The following MAML2 variants were observed in gnomAD, a reference collection of about 807,000 sequenced individuals.
MAML2 encodes the protein mastermind-like protein 2.
A neutral mutation model predicts 96.1 loss-of-function variants in MAML2; 22 were observed. That is an observed-to-expected ratio of 0.23 (90% confidence interval 0.16 to 0.33). The LOEUF (loss-of-function observed/expected upper bound fraction) is 0.33. Ranked by LOEUF, MAML2 falls within the 10% of genes least tolerant of loss-of-function variation. The pLI, the probability that MAML2 is intolerant of heterozygous loss-of-function variation, is 1.00. For synonymous variants in MAML2, 561 were observed against 521.3 expected (o/e 1.08, Z -1.04); for missense variants, 1,367 against 1,392.4 (o/e 0.98, Z 0.29).
chr11:96,226,932 T>C (rs1052230475), intron 1 of MAML2, among the ~76,000 whole-genome samples: 1 of 152,190 alleles, frequency 6.6e-6, no homozygotes, highest in Admixed American at 6.5e-5. Context: ...ATAGAATATC[T>C]TCACATCAAT....
intron 1 of MAML2, among the ~76,000 whole-genome samples, chr11:96,184,742 G>A (rs1432005452): frequency 6.6e-6 from 1 of 151,380 alleles, no homozygotes; most frequent in African/African-American, 2.4e-5. Flanking sequence ...GGCGCCCACC[G>A]CCACACCTGT....
At chr11:96,071,252 T>C (rs1283996363) in intron 2 of MAML2, among the ~76,000 whole-genome samples, 2 of 152,260 alleles carry the variant, frequency 1.3e-5, no homozygotes, top group Non-Finnish European at 2.9e-5. Context: ...GTGCTTCAGC[T>C]ATAAGACCAC....
chr11:96,027,904 G>A (rs546975765), intron 2 of MAML2, among the ~76,000 whole-genome samples: 11 of 151,914 alleles, frequency 7.2e-5, no homozygotes, highest in South Asian at 2.1e-4. Flanking sequence ...GCTCATTTTC[G>A]TATTTTTTGT....
chr11:96,257,548 T>A (rs1862685455), intron 1 of MAML2, among the ~76,000 whole-genome samples: 1 of 152,260 alleles, frequency 6.6e-6, no homozygotes. Flanking sequence ...ATTTGTTCAG[T>A]GAGCATAATT....
At chr11:96,312,227 A>G (rs904247295) in intron 1 of MAML2, among the ~76,000 whole-genome samples, 1 of 149,310 alleles carries the variant, frequency 6.7e-6, no homozygotes. Context: ...CTCAAAAAAA[A>G]AAAAAAAAAA....
intron 1 of MAML2, among the ~76,000 whole-genome samples, chr11:96,227,881 C>T (rs181335257): frequency 2.0e-5 from 3 of 152,262 alleles, no homozygotes; most frequent in Non-Finnish European, 2.9e-5. Flanking sequence ...GCAAGCAGAT[C>T]GCTTCAGCCC....
chr11:96,222,426 G>A (rs1862153276), intron 1 of MAML2, among the ~76,000 whole-genome samples: 1 of 152,166 alleles, frequency 6.6e-6, no homozygotes, highest in Non-Finnish European at 1.5e-5. Context: ...AGCCCAAGGT[G>A]GCTTCTTTTG....
intron 1 of MAML2, among the ~76,000 whole-genome samples, chr11:96,315,351 G>A (rs1420680324): frequency 6.6e-6 from 1 of 152,168 alleles, no homozygotes; most frequent in Non-Finnish European, 1.5e-5. Context: ...TTGGTTTCCT[G>A]TAAAATATAT....
chr11:96,319,891 G>A (rs1863679072), intron 1 of MAML2, among the ~76,000 whole-genome samples: 1 of 152,160 alleles, frequency 6.6e-6, no homozygotes, highest in Non-Finnish European at 1.5e-5. Context: ...ATGCCAATGA[G>A]CATACCACAG....
chr11:96,091,848 A>C, intron 2 of MAML2, 44 bp downstream of exon 2: 2 of 1,578,976 alleles, frequency 1.3e-6, no homozygotes, highest in South Asian at 2.4e-5. Flanking sequence ...GATCAAGCTA[A>C]ATGGTCTCTG....
rs559559323 is a variant in MAML2, at chr11:96,076,043, T to A, written c.2139+15849A>T. On this transcript the variant is annotated intron_variant, in intron 2 of 4. Transcript: ENST00000524717. ...TTTCAGAATAAATTTGTTAATACATTCTCCTCTCTCCTGCAAGGCCTAGAT... is the reference window on the plus strand; with the variant it reads ...TTTCAGAATAAATTTGTTAATACATACTCCTCTCTCCTGCAAGGCCTAGAT... 6.6e-5 allele frequency among the ~76,000 whole-genome samples: 10 copies of A among 152,302 alleles called. No homozygotes were observed. In the East Asian group the frequency reaches 1.7e-3, roughly 26 times the overall value.
At chr11:95,981,246 G>T (rs1055480216) in intron 4 of MAML2, among the ~76,000 whole-genome samples, 3 of 152,180 alleles carry the variant, frequency 2.0e-5, no homozygotes, top group African/African-American at 7.2e-5. Context: ...TAAGGAGAAA[G>T]TTCTGCAACA....
intron 4 of MAML2, among the ~76,000 whole-genome samples, chr11:95,984,926 T>A (rs1857802460): frequency 6.6e-6 from 1 of 152,188 alleles, no homozygotes; most frequent in Non-Finnish European, 1.5e-5. Flanking sequence ...AAGGTTCTTT[T>A]GGAGTTTCAT....
intron 1 of MAML2, among the ~76,000 whole-genome samples, chr11:96,279,390 T>A (rs1464205618): frequency 6.6e-6 from 1 of 152,212 alleles, no homozygotes; most frequent in Non-Finnish European, 1.5e-5. Flanking sequence ...CAGTATGCAG[T>A]GCATAAACTC....
intron 1 of MAML2, among the ~76,000 whole-genome samples, chr11:96,124,096 C>CAAA (rs11464319): frequency 6.5e-4 from 62 of 95,970 alleles, no homozygotes; most frequent in African/African-American, 1.5e-3. Flanking sequence ...AACTCTGTCT[C>CAAA]AAAAAAAAAA....
chr11:96,103,100 A>AT (rs1168528974), intron 1 of MAML2, among the ~76,000 whole-genome samples: 1 of 151,690 alleles, frequency 6.6e-6, no homozygotes, highest in Non-Finnish European at 1.5e-5. Context: ...TTTCCCTCAT[A>AT]TTTTTTCTCC....
intron 2 of MAML2, among the ~76,000 whole-genome samples, chr11:96,013,913 CT>C (rs1858303698): frequency 6.6e-6 from 1 of 152,232 alleles, no homozygotes; most frequent in South Asian, 2.1e-4. Context: ...AGAAAGCCCT[CT>C]GTCCTTGTGA....
At chr11:96,202,720 C>T (rs1209143413) in intron 1 of MAML2, among the ~76,000 whole-genome samples, 2 of 151,946 alleles carry the variant, frequency 1.3e-5, no homozygotes, top group East Asian at 1.9e-4. Context: ...CTCCACCTCC[C>T]GGGTTCAAGC....
intron 1 of MAML2, among the ~76,000 whole-genome samples, chr11:96,192,119 G>C (rs772312407): frequency 6.6e-6 from 1 of 152,196 alleles, no homozygotes; most frequent in African/African-American, 2.4e-5. Flanking sequence ...GAAAGTAGAG[G>C]CTTTGAAGTC....
Sources: allele counts gnomAD v4.1 joint callset (sites outside exome capture counted in the v4.1 genomes callset), GRCh38; gene constraint gnomAD v4.1.1; transcripts MANE v1.5; gene names NCBI Gene and HGNC (gene_info 2026-07-23, HGNC 2026-07-21).